ZFHX4: variants seen among roughly 807,000 people sequenced by gnomAD.
ZFHX4 encodes the protein zinc finger homeobox 4, also known as zinc finger homeobox protein 4.
A neutral mutation model predicts 267.6 loss-of-function variants in ZFHX4; 56 were observed. The observed-to-expected ratio is 0.21, with a 90% CI of 0.17 to 0.26. The LOEUF (loss-of-function observed/expected upper bound fraction) is 0.26, where lower values mean the gene tolerates loss of function less well. Among genes scored for constraint, ZFHX4 ranks in the 10% least tolerant of loss-of-function variants. The probability of loss-of-function intolerance (pLI) is 1.00; values close to 1 mark genes in which losing one functional copy is unlikely to be tolerated. For missense variants in ZFHX4, 4,332 were observed against 4,420.0 expected (o/e 0.98, Z 0.56); for synonymous variants, 1,778 against 1,665.6 (o/e 1.07, Z -1.64).
chr8:76,682,211 T>G (rs1031972918), intron 1 of ZFHX4, among the ~76,000 whole-genome samples: 1 of 152,162 alleles, frequency 6.6e-6, no homozygotes, highest in African/African-American at 2.4e-5. Context: ...AGCCCCTCTC[T>G]CCCTGCTCTT....
chr8:76,707,465 C>T, intron 2 of ZFHX4, 81 bp from the exon 3 acceptor site: 1 of 1,302,172 alleles, frequency 7.7e-7, no homozygotes, highest in Non-Finnish European at 1.0e-6. Flanking sequence ...CATTCCTTGT[C>T]AAGACTTTAT....
chr8:76,798,693 C>A (rs1811044847), intron 4 of ZFHX4, among the ~76,000 whole-genome samples: 1 of 152,258 alleles, frequency 6.6e-6, no homozygotes, highest in Non-Finnish European at 1.5e-5. Flanking sequence ...TAGGTATAAA[C>A]CTTAGTGGAA....
rs1256564721 is a variant in ZFHX4, at chr8:76,854,129, C to T, written c.7208C>T (p.Ser2403Phe). The change falls in exon 10 of 11, where the codon TCT becomes TTT. Residue 2403 changes from serine (S) to phenylalanine (F), a missense_variant. Transcript: ENST00000651372. ...CCCAAACCAGAACCTGAGAAGACTT[C>T]TCCAAAACCTGAATATCCCGCAGAA... ...PSPKPEPEKTSPKPEYPAEKP... is the reference protein window; with the variant it reads ...PSPKPEPEKTFPKPEYPAEKP... 9.3e-6 allele frequency: 15 copies of T among 1,613,126 alleles called. No homozygotes were observed. Among genetic ancestry groups the T allele is most frequent in the Admixed American group, 1.7e-5 (1 of 59,790 alleles).
chr8:76,812,889 A>G (rs901693172), intron 4 of ZFHX4, among the ~76,000 whole-genome samples: 1 of 152,166 alleles, frequency 6.6e-6, no homozygotes, highest in Non-Finnish European at 1.5e-5. Flanking sequence ...CAACTAGATT[A>G]ATTTTCTCAA....
At chr8:76,808,391 T>A (rs1335984659) in intron 4 of ZFHX4, among the ~76,000 whole-genome samples, 1 of 152,122 alleles carries the variant, frequency 6.6e-6, no homozygotes, top group Non-Finnish European at 1.5e-5. Flanking sequence ...ATCTTTTAAT[T>A]CTGTTTAAAT....
chr8:76,839,788 C>G (rs1355299625), intron 5 of ZFHX4, among the ~76,000 whole-genome samples: 1 of 152,132 alleles, frequency 6.6e-6, no homozygotes, highest in Non-Finnish European at 1.5e-5. Context: ...ATTTCCCTTA[C>G]ATTTCATAGT....
At chr8:76,782,607 A>T (rs893089083) in intron 4 of ZFHX4, among the ~76,000 whole-genome samples, 4 of 151,932 alleles carry the variant, frequency 2.6e-5, no homozygotes, top group African/African-American at 9.7e-5. Context: ...AAACAACTGG[A>T]TATCTGTACA....
At chr8:76,751,268 G>T (rs1370173124) in intron 3 of ZFHX4, among the ~76,000 whole-genome samples, 2 of 152,076 alleles carry the variant, frequency 1.3e-5, no homozygotes, top group African/African-American at 2.4e-5. Flanking sequence ...ATTTACCAAA[G>T]AACTGAATTG....
At chr8:76,691,731 T>A (rs1356589251) in intron 1 of ZFHX4, among the ~76,000 whole-genome samples, 1 of 152,116 alleles carries the variant, frequency 6.6e-6, no homozygotes, top group Non-Finnish European at 1.5e-5. Context: ...CTCATCTGTA[T>A]ATCAGGGTTG....
intron 4 of ZFHX4, among the ~76,000 whole-genome samples, chr8:76,818,439 G>A (rs978150901): frequency 1.3e-5 from 2 of 152,142 alleles, no homozygotes; most frequent in Non-Finnish European, 2.9e-5. Context: ...ACCAAGCAAA[G>A]TTTGGATTCG....
intron 3 of ZFHX4, among the ~76,000 whole-genome samples, chr8:76,755,800 C>T (rs1347937651): frequency 6.6e-6 from 1 of 152,098 alleles, no homozygotes; most frequent in Non-Finnish European, 1.5e-5. Flanking sequence ...TCATTTGTTG[C>T]CTTCTAGATA....
At chr8:76,838,530 T>C (rs1277764183) in intron 5 of ZFHX4, among the ~76,000 whole-genome samples, 2 of 152,062 alleles carry the variant, frequency 1.3e-5, no homozygotes, top group Admixed American at 1.3e-4. Context: ...ATTAGGAGGA[T>C]AGATTTGAGT....
chr8:76,793,140 C>A (rs1005686483), intron 4 of ZFHX4, among the ~76,000 whole-genome samples: 3 of 152,050 alleles, frequency 2.0e-5, no homozygotes, highest in Non-Finnish European at 4.4e-5. Context: ...CTGCTTCTGC[C>A]TCATGTGAAG....
Position 76,850,010 on chromosome 8 carries a change from A to T in ZFHX4, c.3847-235A>T, listed in dbSNP as rs967711774. The stretch of plus-strand genomic sequence containing the variant: ...TGCATTTCAAACTTGCTTCATTATC[A>T]TTATAAAAAAATAAACCTACAGGAA... On this transcript the variant is annotated intron_variant, in intron 8 of 10. Coordinates refer to ENST00000651372, the MANE Select transcript of ZFHX4 (RefSeq NM_024721.5). 7 of 572,032 alleles carry T rather than the reference A, an allele frequency of 1.2e-5. No individual in the cohort carries two copies. In the African/African-American group the frequency reaches 1.3e-4, roughly 11 times the overall value. The allele number at this position is 572,032 out of a possible 1,614,324, so 35.4% of individuals were successfully genotyped here.
At position 76,851,164 on chromosome 8, in the gene ZFHX4, C is replaced by T; in HGVS notation, c.4243C>T (p.His1415Tyr). The T allele has an allele frequency of 6.2e-7, 1 of 1,613,970 alleles. No individual in the cohort carries two copies. Residue 1415 changes from histidine to tyrosine, a missense_variant, in exon 10 of 11, where the codon CAT becomes TAT. His to Tyr is a moderately conservative substitution (Grantham distance 83). Transcript: ENST00000651372. ...CAAAACTATGCAGAAGCTTCAGATA[C>T]ATTCCCAGTATCATGCAATTCGGGC... ...AFKTMQKLQI[H>Y]SQYHAIRAAT... is the part of the protein sequence containing the mutation.
At chr8:76,838,326 C>G (rs1372628565) in intron 5 of ZFHX4, among the ~76,000 whole-genome samples, 2 of 152,174 alleles carry the variant, frequency 1.3e-5, no homozygotes, top group African/African-American at 4.8e-5. Context: ...GAATGTGACA[C>G]TCTAAAGTGT....
At chr8:76,696,676 A>C (rs1193991141) in intron 1 of ZFHX4, among the ~76,000 whole-genome samples, 3 of 151,806 alleles carry the variant, frequency 2.0e-5, no homozygotes, top group East Asian at 3.9e-4. Flanking sequence ...CCCAAACAAA[A>C]GGCTCTTCAT....
Position 76,704,713 on chromosome 8 carries a change from C to G in ZFHX4, c.625C>G (p.Gln209Glu). 20 of 1,614,002 alleles carry G rather than the reference C, an allele frequency of 1.2e-5. No individual in the cohort carries two copies. The highest frequency in any genetic ancestry group is 1.7e-5 in the Non-Finnish European group (20 of 1,179,896). Residue 209 changes from glutamine (Q) to glutamate (E), a missense_variant, in exon 2 of 11, where the codon CAG (glutamine) becomes GAG (glutamate). Gln to Glu is a conservative substitution (Grantham distance 29). Coordinates refer to ENST00000651372, the MANE Select transcript of ZFHX4 (RefSeq NM_024721.5). ...SSLGKPFTAD[Q>E]AFPNTSALAG... ...CCTCGGGAAACCATTTACAGCCGAT[C>G]AGGCTTTCCCAAATACCTCAGCATT... is the stretch of plus-strand genomic sequence containing the variant.
intron 1 of ZFHX4, among the ~76,000 whole-genome samples, chr8:76,691,252 T>G (rs1807817238): frequency 6.6e-6 from 1 of 152,068 alleles, no homozygotes; most frequent in South Asian, 2.1e-4. Context: ...CTCTTGTTAT[T>G]GTGACTGTTA....
Sources: allele counts gnomAD v4.1 joint callset (sites outside exome capture counted in the v4.1 genomes callset), GRCh38; gene constraint gnomAD v4.1.1; transcripts MANE v1.5; gene names NCBI Gene and HGNC (gene_info 2026-07-23, HGNC 2026-07-21).